Variants in TTC3 observed in about 807,000 individuals in gnomAD.
TTC3 encodes E3 ubiquitin-protein ligase TTC3.
TTC3 carries 180 observed loss-of-function variants against 249.6 expected under a neutral mutation model. The observed-to-expected ratio is 0.72, with a 90% CI of 0.64 to 0.82. The LOEUF is 0.82. TTC3 is among the 40% of genes least tolerant of loss of function. The probability of loss-of-function intolerance (pLI) is 0.00; values close to 1 mark genes in which losing one functional copy is unlikely to be tolerated. For missense variants in TTC3, 2,061 were observed against 2,398.4 expected, an observed-to-expected ratio of 0.86 and a Z score of 2.94; for synonymous variants, 717 against 805.0, an observed-to-expected ratio of 0.89 and a Z score of 1.85.
At chr21:37,122,952 T>C (rs754536631) in intron 12 of TTC3, 31 bp from the exon 13 acceptor site, 33 of 1,498,946 alleles carry the variant, frequency 2.2e-5, no homozygotes, top group Non-Finnish European at 2.8e-5. Flanking sequence ...CATTGATTAC[T>C]ATGTGTGTGT....
At chr21:37,202,647 A>G (rs184665581) in exon 46 of TTC3, 24 of 152,380 alleles carry the variant, frequency 1.6e-4, no homozygotes, top group African/African-American at 5.5e-4. Context: ...CCATGAAAAA[A>G]TTAGATATTG....
rs142088736 is a variant in TTC3, at chr21:37,197,976, C to T, written c.5801C>T (p.Pro1934Leu). 128 of 1,613,934 alleles carry T rather than the reference C, an allele frequency of 7.9e-5. No individual in the cohort carries two copies. Among genetic ancestry groups the T allele is most frequent in the Non-Finnish European group, 9.9e-5 (117 of 1,179,982 alleles). Residue 1934 changes from proline (P) to leucine (L), a missense_variant, in exon 44 of 46, where the codon CCA (proline) becomes CTA (leucine). Pro to Leu is a moderately conservative substitution (Grantham distance 98, BLOSUM62 -3). This residue lies in a region of TTC3 where 1,040 missense variants were observed against 1,186.1 expected (regional missense o/e 0.88). Coordinates refer to ENST00000355666, the Ensembl canonical transcript of TTC3. Reference sequence around the variant, plus strand: ...GGCTCACCCTCGGTGGTTGTTGCACCATCACCCAAAACCAAGGGGCAGAAA... The same window carrying T: ...GGCTCACCCTCGGTGGTTGTTGCACTATCACCCAAAACCAAGGGGCAGAAA...
At chr21:37,180,033 T>C (rs1025627888) in intron 35 of TTC3, among the ~76,000 whole-genome samples, 2 of 152,240 alleles carry the variant, frequency 1.3e-5, no homozygotes, top group Non-Finnish European at 2.9e-5. Flanking sequence ...CATTCTTTCA[T>C]GTGACAGATA....
chr21:37,160,697 A>T, intron 29 of TTC3, 105 bp from the exon 30 acceptor site: 1 of 1,143,432 alleles, frequency 8.7e-7, no homozygotes, highest in Non-Finnish European at 1.3e-6. Context: ...CATTTTATGT[A>T]CATTTAACTT....
intron 17 of TTC3, among the ~76,000 whole-genome samples, chr21:37,134,796 TTTATTCCTTATG>T (rs1213432439): frequency 6.6e-6 from 1 of 152,254 alleles, no homozygotes; most frequent in Non-Finnish European, 1.5e-5. Flanking sequence ...GTTTTTATTT[TTTATTCCTTATG>T]TTATTCCTTT....
intron 32 of TTC3, among the ~76,000 whole-genome samples, chr21:37,164,969 T>A (rs2081117592): frequency 6.6e-6 from 1 of 152,200 alleles, no homozygotes; most frequent in Non-Finnish European, 1.5e-5. Context: ...TCTTAGATCC[T>A]TCTTCATGGT....
intron 10 of TTC3, chr21:37,098,085 G>A (rs1341922545): frequency 1.7e-6 from 1 of 582,896 alleles, no homozygotes; most frequent in African/African-American, 1.9e-5. Flanking sequence ...AGGAATGGAT[G>A]GGCTTGACAC....
At chr21:37,125,447 A>G (rs977011714) in intron 14 of TTC3, among the ~76,000 whole-genome samples, 10 of 152,172 alleles carry the variant, frequency 6.6e-5, no homozygotes, top group African/African-American at 2.4e-4. Context: ...CAATAACAAC[A>G]CAGTATTTTC....
At chr21:37,121,699 G>A (rs1037677622) in intron 11 of TTC3, 118 bp from the exon 12 acceptor site, 3 of 923,198 alleles carry the variant, frequency 3.2e-6, no homozygotes, top group Admixed American at 6.8e-5. Context: ...CATTGGTAGG[G>A]ACCTAATCTA....
At chr21:37,147,220 T>C (rs1389476041) in intron 21 of TTC3, among the ~76,000 whole-genome samples, 1 of 152,158 alleles carries the variant, frequency 6.6e-6, no homozygotes, top group Non-Finnish European at 1.5e-5. Context: ...TTGATGATTG[T>C]AACAGGACAA....
intron 35 of TTC3, among the ~76,000 whole-genome samples, chr21:37,178,947 GA>G (rs1477486006): frequency 6.6e-6 from 1 of 151,912 alleles, no homozygotes; most frequent in Non-Finnish European, 1.5e-5. Context: ...GGCAACAACA[GA>G]GTGAGACCCT....
In TTC3 at chr21:37,143,543, A is replaced by G. The variant is rs2078692271; in HGVS notation, c.1773-982A>G. ...AAATGCAAATCAAAACCACAATGAG[A>G]TACCGTCTCACACCAGTTAGAATGG... On this transcript the variant is annotated intron_variant, in intron 20 of 45. Coordinates refer to ENST00000355666, the Ensembl canonical transcript of TTC3. Among the ~76,000 whole-genome samples, 5 of 152,162 alleles carry G rather than the reference A, an allele frequency of 3.3e-5. No homozygotes were observed. In the South Asian group the frequency reaches 8.3e-4, roughly 25 times the overall value.
chr21:37,184,629 A>ATTTTTTTTT lies in TTC3; in HGVS notation c.4758-1066_4758-1058dup, dbSNP rs765134090. On this transcript the variant is annotated intron_variant, in intron 36 of 45. Coordinates refer to ENST00000355666, the Ensembl canonical transcript of TTC3. ...ACCACCACGCCTGACTAATTTTTCTATTTTTTTTTTTTTTTTTTTAGTAGA... is the reference window on the plus strand; with the variant it reads ...ACCACCACGCCTGACTAATTTTTCTATTTTTTTTTTTTTTTTTTTTTTTTTTTTAGTAGA... Among the ~76,000 whole-genome samples, 5 of 121,580 alleles carry ATTTTTTTTT rather than the reference A, an allele frequency of 4.1e-5. 2 individuals carry two copies. Among genetic ancestry groups the ATTTTTTTTT allele is most frequent in the Non-Finnish European group, 6.9e-5 (4 of 58,314 alleles). The allele number at this position is 121,580 out of a possible 152,430, so 79.8% of individuals were successfully genotyped here.
rs1349255885 is a variant in TTC3, at chr21:37,122,419, AATATATATATATATATAT to A, written c.1063+441_1063+458del. Among the ~76,000 whole-genome samples the A allele has an allele frequency of 4.3e-3, 162 of 38,032 alleles. 2 individuals are homozygous for A. Among genetic ancestry groups the A allele is most frequent in the African/African-American group, 0.01 (149 of 14,302 alleles). 25.0% of individuals were successfully genotyped at this position (38,032 alleles called of 152,430 possible). ...CAGCGTGCTGAATATATATATATAT[AATATATATATATATATAT>A]TATATATATATATATAATGTTTTTT... On this transcript the variant is annotated intron_variant, in intron 12 of 45. Transcript: ENST00000355666.
chr21:37,164,057 A>G, exon 32 of TTC3: 2 of 1,600,276 alleles, frequency 1.2e-6, no homozygotes, highest in Non-Finnish European at 1.7e-6. Flanking sequence ...CCAGCAATCG[A>G]AATTCAGATT....
chr21:37,109,430 G>A (rs567981036), intron 11 of TTC3, among the ~76,000 whole-genome samples: 22 of 152,326 alleles, frequency 1.4e-4, no homozygotes, highest in African/African-American at 4.1e-4. Context: ...CACCTGGCTC[G>A]GAGGGTCCTA....
At chr21:37,152,638 A>G (rs2079590913) in intron 26 of TTC3, among the ~76,000 whole-genome samples, 1 of 152,056 alleles carries the variant, frequency 6.6e-6, no homozygotes, top group Non-Finnish European at 1.5e-5. Context: ...TCGGCCTCCC[A>G]AAGTGCTGGG....
At chr21:37,123,604 C>G (rs2076801308) in intron 13 of TTC3, among the ~76,000 whole-genome samples, 1 of 152,176 alleles carries the variant, frequency 6.6e-6, no homozygotes, top group Non-Finnish European at 1.5e-5. Context: ...GTTCAGATGT[C>G]TGGGATACCG....
In TTC3 at chr21:37,123,115, G is replaced by A. The variant is rs1601601741; in HGVS notation, c.1109+87G>A. On this transcript the variant is annotated intron_variant, in intron 13 of 45. Coordinates refer to ENST00000355666, the Ensembl canonical transcript of TTC3. ...GAATCACTTATGTTTGACGCTTTAG[G>A]AGCTAATAGCAACCACAGTAAAGTT... 7.3e-6 allele frequency: 10 copies of A among 1,376,744 alleles called. No individual in the cohort carries two copies. In the East Asian group the frequency reaches 2.3e-4, roughly 32 times the overall value. 85.3% of individuals were successfully genotyped at this position (1,376,744 alleles called of 1,614,324 possible).
Sources: gnomAD v4.1 joint callset for allele counts (sites outside exome capture counted in the v4.1 genomes callset) on GRCh38, gnomAD v4.1.1 for gene constraint, gnomAD v4.1.1 regional missense constraint, MANE v1.5 for transcripts, NCBI Gene and HGNC (gene_info 2026-07-23, HGNC 2026-07-21) for gene names.